Variants in FUT8 observed in about 807,000 individuals in gnomAD.
The protein encoded by FUT8 is fucosyltransferase 8.
Under a neutral mutation model 71.3 loss-of-function variants are expected in FUT8, and 29 were observed. The observed-to-expected ratio is 0.41, with a 90% CI of 0.30 to 0.55. FUT8 has a LOEUF of 0.55. FUT8 is among the 20% of genes least tolerant of loss of function. The pLI is 0.34. For synonymous variants in FUT8, 254 were observed against 239.3 expected, an observed-to-expected ratio of 1.06 and a Z score of -0.57; for missense variants, 544 against 702.1, an observed-to-expected ratio of 0.77 and a Z score of 2.55.
At position 65,643,665 on chromosome 14, in the gene FUT8, T is replaced by TACACACACACACACACACACACACAC. The variant is rs60967671; in HGVS notation, c.597+14084_597+14109dup. Reference sequence around the variant, plus strand: ...CGAGACTCCGTCTTTAAAAAAAAAATACACACACACACACACACACACACA... The same window carrying TACACACACACACACACACACACACAC: ...CGAGACTCCGTCTTTAAAAAAAAAATACACACACACACACACACACACACACACACACACACACACACACACACACA... On this transcript the variant is annotated intron_variant, in intron 6 of 10. Coordinates refer to ENST00000673929, the MANE Select transcript of FUT8 (RefSeq NM_001371533.1). This position sits in a 1 kb window ranked among gnomAD's most constrained non-coding sequence, Gnocchi z 4.5. 7.2e-5 allele frequency among the ~76,000 whole-genome samples: 9 copies of TACACACACACACACACACACACACAC among 124,712 alleles called. No individual in the cohort carries two copies. Among genetic ancestry groups the TACACACACACACACACACACACACAC allele is most frequent in the African/African-American group, 1.6e-4 (5 of 31,198 alleles). The allele number at this position is 124,712 out of a possible 152,430, so 81.8% of individuals were successfully genotyped here.
At position 65,609,537 on chromosome 14, in the gene FUT8, A is replaced by T. The variant is rs1048526188; in HGVS notation, c.204-6441A>T. Among the ~76,000 whole-genome samples the T allele has an allele frequency of 2.0e-4, 31 of 151,984 alleles. 1 individual carries two copies. The highest frequency in any genetic ancestry group is 1.1e-3 in the Admixed American group (17 of 15,230). ...CTAAATTATCTTTGTGACTTTATTTAAAAAATAAATTGAGTGTCCATTTAT... is the reference window on the plus strand; with the variant it reads ...CTAAATTATCTTTGTGACTTTATTTTAAAAATAAATTGAGTGTCCATTTAT... On this transcript the variant is annotated intron_variant, in intron 3 of 10. Coordinates refer to ENST00000673929, the MANE Select transcript of FUT8 (RefSeq NM_001371533.1).
At chr14:65,654,591 CAAA>C (rs35652243) in intron 6 of FUT8, among the ~76,000 whole-genome samples, 3 of 144,050 alleles carry the variant, frequency 2.1e-5, no homozygotes. Context: ...ATTCTGTCTC[CAAA>C]AAAAAAAAAG....
At chr14:65,738,419 T>A (rs1031099371) in intron 10 of FUT8, among the ~76,000 whole-genome samples, 9 of 152,088 alleles carry the variant, frequency 5.9e-5, no homozygotes, top group Non-Finnish European at 1.0e-4. Context: ...TCCCCCTTTT[T>A]AAAATTTTTT....
At chr14:65,693,813 C>A (rs2140452496) in intron 7 of FUT8, among the ~76,000 whole-genome samples, 1 of 152,208 alleles carries the variant, frequency 6.6e-6, no homozygotes, top group East Asian at 1.9e-4. Context: ...GTGAAACTAT[C>A]TGAGTGTGGT....
chr14:65,625,510 C>A (rs866516838), intron 5 of FUT8, among the ~76,000 whole-genome samples: 2 of 152,196 alleles, frequency 1.3e-5, no homozygotes, highest in Non-Finnish European at 2.9e-5. Flanking sequence ...CAGCCAAAGT[C>A]TCTTTCATGA....
At chr14:65,570,061 C>T (rs140083538) in intron 3 of FUT8, among the ~76,000 whole-genome samples, 81 of 152,106 alleles carry the variant, frequency 5.3e-4, no homozygotes, top group African/African-American at 1.9e-3. Flanking sequence ...CTAAATTTGA[C>T]ATACATTGAA....
intron 7 of FUT8, among the ~76,000 whole-genome samples, chr14:65,721,373 T>C (rs1390850700): frequency 6.6e-6 from 1 of 152,216 alleles, no homozygotes; most frequent in Non-Finnish European, 1.5e-5. Flanking sequence ...GCAAGAGCAA[T>C]TTTGCTGTAA....
At chr14:65,595,639 C>G (rs1386662727) in intron 3 of FUT8, among the ~76,000 whole-genome samples, 1 of 110,454 alleles carries the variant, frequency 9.1e-6, no homozygotes, top group African/African-American at 3.5e-5. Flanking sequence ...GACGGAGTCT[C>G]TCTCTGTCAC....
intron 2 of FUT8, among the ~76,000 whole-genome samples, chr14:65,470,450 C>T (rs2066125721): frequency 6.6e-6 from 1 of 152,206 alleles, no homozygotes. Context: ...TCCTGGCTCC[C>T]ACTGGCACTG....
At chr14:65,466,319 T>C (rs982140188) in intron 2 of FUT8, among the ~76,000 whole-genome samples, 15 of 152,262 alleles carry the variant, frequency 9.9e-5, no homozygotes, top group African/African-American at 3.4e-4. Flanking sequence ...ACTGTATTTA[T>C]AACTGTTTTC....
At chr14:65,519,981 G>A (rs1882973491) in intron 2 of FUT8, among the ~76,000 whole-genome samples, 1 of 151,990 alleles carries the variant, frequency 6.6e-6, no homozygotes, top group African/African-American at 2.4e-5. Context: ...GTTTTGCCGT[G>A]TTGCCCAGGC....
chr14:65,721,903 G>T lies in FUT8; in HGVS notation c.964G>T (p.Asp322Tyr). The T allele has an allele frequency of 6.2e-7, 1 of 1,614,176 alleles. No individual in the cohort carries two copies. The highest frequency in any genetic ancestry group is 8.5e-7 in the Non-Finnish European group (1 of 1,180,024). ...LADRLVRVHG[D>Y]PAVWWVSQFV... is the part of the protein sequence containing the mutation. ...AGATCGACTTGTACGAGTGCATGGTGACCCTGCAGTGTGGTGGGTGTCTCA... is the reference window on the plus strand; with the variant it reads ...AGATCGACTTGTACGAGTGCATGGTTACCCTGCAGTGTGGTGGGTGTCTCA... Residue 322 changes from aspartate to tyrosine, a missense_variant, in exon 8 of 11, where the codon GAC becomes TAC. Physicochemically the swap from Asp to Tyr is radical, Grantham distance 160. Transcript: ENST00000673929.
chr14:65,481,178 G>A (rs1217126832), intron 2 of FUT8, among the ~76,000 whole-genome samples: 2 of 151,880 alleles, frequency 1.3e-5, no homozygotes, highest in Non-Finnish European at 2.9e-5. Context: ...TCTCATTGTG[G>A]TTTTGATTTG....
intron 2 of FUT8, among the ~76,000 whole-genome samples, chr14:65,523,330 A>G (rs1015158954): frequency 6.6e-6 from 1 of 152,164 alleles, no homozygotes; most frequent in African/African-American, 2.4e-5. Flanking sequence ...GCCAGTGATG[A>G]TGAGCATTTT....
In FUT8 at chr14:65,528,344, G is replaced by A. The variant is rs565385501; in HGVS notation, c.-227-32993G>A. Among the ~76,000 whole-genome samples the A allele has an allele frequency of 1.4e-4, 21 of 152,316 alleles. No individual in the cohort carries two copies. The South Asian group carries it at 3.9e-3, about 29-fold the overall frequency. ...AGGCTCCGTGGACATGGGACCCTCCGAGCCAGGCGCGGGATATAATCTCCC... is the reference window on the plus strand; with the variant it reads ...AGGCTCCGTGGACATGGGACCCTCCAAGCCAGGCGCGGGATATAATCTCCC... On this transcript the variant is annotated intron_variant, in intron 2 of 10. Coordinates refer to ENST00000673929, the MANE Select transcript of FUT8 (RefSeq NM_001371533.1).
chr14:65,699,227 C>T (rs904594027), intron 7 of FUT8, among the ~76,000 whole-genome samples: 3 of 150,844 alleles, frequency 2.0e-5, no homozygotes, highest in Middle Eastern at 3.2e-3. Context: ...TGCCCATTCA[C>T]ACCTGTTCCT....
chr14:65,656,979 T>C (rs1281274427), intron 6 of FUT8, among the ~76,000 whole-genome samples: 7 of 152,122 alleles, frequency 4.6e-5, no homozygotes, highest in Non-Finnish European at 1.5e-5. Context: ...GACCCCAGCC[T>C]CTCACCATAT....
chr14:65,420,139 TTAATAA>T (rs1405730817), intron 1 of FUT8, among the ~76,000 whole-genome samples: 4 of 152,054 alleles, frequency 2.6e-5, no homozygotes, highest in African/African-American at 7.2e-5. Context: ...ATAGTTCCTC[TTAATAA>T]TAATAAAAAA....
At chr14:65,471,142 T>C in intron 2 of FUT8, 2 of 420,814 alleles carry the variant, frequency 4.8e-6, no homozygotes, top group South Asian at 3.4e-5. Context: ...AGTCCTGTAA[T>C]TAGATCTCAG....
Sources: allele counts gnomAD v4.1 joint callset (sites outside exome capture counted in the v4.1 genomes callset), GRCh38; gene constraint gnomAD v4.1.1; non-coding constraint Gnocchi (gnomAD v3.1); transcripts MANE v1.5; gene names NCBI Gene and HGNC (gene_info 2026-07-23, HGNC 2026-07-21).